The following GTF2E2 variants were observed in gnomAD, a reference collection of about 807,000 sequenced individuals.
The protein encoded by GTF2E2 is transcription initiation factor IIE subunit beta.
In GTF2E2, 21 loss-of-function variants were observed where a neutral mutation model predicts 40.5. The ratio of observed to expected loss-of-function variants is 0.52; its 90% CI spans 0.37 to 0.75. GTF2E2 has a LOEUF of 0.75. GTF2E2 is among the 30% of genes least tolerant of loss of function. The probability of loss-of-function intolerance (pLI) is 0.00; values close to 1 mark genes in which losing one functional copy is unlikely to be tolerated. For missense variants in GTF2E2, 298 were observed against 338.4 expected, an observed-to-expected ratio of 0.88 and a Z score of 0.94; for synonymous variants, 117 against 121.6, an observed-to-expected ratio of 0.96 and a Z score of 0.25.
chr8:30,587,871 TAAAAAAAAAAAA>T (rs58179732), intron 6 of GTF2E2, among the ~76,000 whole-genome samples: 1 of 105,066 alleles, frequency 9.5e-6, no homozygotes, highest in African/African-American at 3.9e-5. Flanking sequence ...GACTCCGTCT[TAAAAAAAAAAAA>T]AAAAAAAAAA....
chr8:30,619,278 T>C (rs1222289568), intron 3 of GTF2E2, among the ~76,000 whole-genome samples: 1 of 152,172 alleles, frequency 6.6e-6, no homozygotes, highest in African/African-American at 2.4e-5. Flanking sequence ...TGCTGTTTTA[T>C]AATCTTTATT....
chr8:30,579,803 C>A (rs552255468), intron 7 of GTF2E2, among the ~76,000 whole-genome samples: 3 of 152,190 alleles, frequency 2.0e-5, no homozygotes, highest in Admixed American at 2.0e-4. Flanking sequence ...ACTAACATCC[C>A]CTGTGAGCAG....
rs370255007 is a variant in GTF2E2, at chr8:30,619,965, G to A, written c.259-5250C>T. On this transcript the variant is annotated intron_variant, in intron 3 of 7. Coordinates refer to ENST00000355904, the MANE Select transcript of GTF2E2 (RefSeq NM_002095.6). ...GGGAAAGAGGGAGGCAGGAGAGTCC[G>A]AGTGAATAGCAAGAGATGTGACAAC... Among the ~76,000 whole-genome samples, 63 of 151,874 alleles carry A rather than the reference G, an allele frequency of 4.1e-4. 2 individuals are homozygous for A. Among genetic ancestry groups the A allele is most frequent in the Admixed American group, 8.5e-4 (13 of 15,258 alleles).
chr8:30,625,341 C>A (rs999336201), intron 3 of GTF2E2, among the ~76,000 whole-genome samples: 14 of 152,060 alleles, frequency 9.2e-5, no homozygotes, highest in Non-Finnish European at 1.9e-4. Context: ...TTGAACCAGC[C>A]TTGCATCCCA....
chr8:30,611,297 C>G (rs1441161736), intron 5 of GTF2E2, among the ~76,000 whole-genome samples: 1 of 152,080 alleles, frequency 6.6e-6, no homozygotes, highest in Admixed American at 6.5e-5. Flanking sequence ...TAAGACCCAA[C>G]AGAAATGTAT....
At chr8:30,635,975 C>A (rs1158627675) in intron 2 of GTF2E2, among the ~76,000 whole-genome samples, 3 of 152,164 alleles carry the variant, frequency 2.0e-5, no homozygotes, top group Non-Finnish European at 4.4e-5. Context: ...AAGCCACAGG[C>A]ACTGCCACTG....
intron 6 of GTF2E2, among the ~76,000 whole-genome samples, chr8:30,600,939 A>G (rs1829161136): frequency 6.6e-6 from 1 of 152,242 alleles, no homozygotes. Context: ...GAACGAAACG[A>G]AAATCTTCAC....
At chr8:30,607,607 T>C (rs556086309) in intron 5 of GTF2E2, among the ~76,000 whole-genome samples, 1 of 152,340 alleles carries the variant, frequency 6.6e-6, no homozygotes, top group East Asian at 1.9e-4. Flanking sequence ...AGTTTCTTTC[T>C]TGAGTAGTTC....
At chr8:30,649,892 A>G (rs1161508231) in intron 2 of GTF2E2, among the ~76,000 whole-genome samples, 2 of 152,262 alleles carry the variant, frequency 1.3e-5, no homozygotes, top group African/African-American at 4.8e-5. Flanking sequence ...AAAAAGCCAC[A>G]AAGTACCAAA....
intron 5 of GTF2E2, among the ~76,000 whole-genome samples, chr8:30,611,490 G>C (rs1829474497): frequency 6.6e-6 from 1 of 151,972 alleles, no homozygotes; most frequent in African/African-American, 2.4e-5. Context: ...ATTCAGCAAA[G>C]AAACAGAAAC....
chr8:30,645,309 A>AT (rs1204530337), intron 2 of GTF2E2: 1 of 1,533,802 alleles, frequency 6.5e-7, no homozygotes, highest in African/African-American at 1.4e-5. Context: ...AATCTCTAAG[A>AT]ATGGCTTCCA....
At chr8:30,626,039 A>T (rs76679463) in intron 3 of GTF2E2, among the ~76,000 whole-genome samples, 1 of 152,160 alleles carries the variant, frequency 6.6e-6, no homozygotes, top group African/African-American at 2.4e-5. Context: ...CTTCCTTCAC[A>T]CAGTGCCACT....
At position 30,612,315 on chromosome 8, in the gene GTF2E2, G is replaced by A. The variant is rs1563487218; in HGVS notation, c.533C>T (p.Ser178Phe). ...AGAGATTACCTTGACAGCTTTCTGG[G>A]AATTGGGCAGTGCTTCTTCTATGTC... Reference protein sequence around the residue: ...LEDIEEALPNSQKAVKALGDQ... With the variant: ...LEDIEEALPNFQKAVKALGDQ... Residue 178 changes from serine to phenylalanine, a missense_variant, in exon 5 of 8, where the codon TCC becomes TTC. Physicochemically the swap from Ser to Phe is radical, Grantham distance 155 (BLOSUM62 -2). Coordinates refer to ENST00000355904, the MANE Select transcript of GTF2E2 (RefSeq NM_002095.6). 4.4e-6 allele frequency: 7 copies of A among 1,606,272 alleles called. No individual in the cohort carries two copies. Among genetic ancestry groups the A allele is most frequent in the Non-Finnish European group, 6.0e-6 (7 of 1,173,544 alleles).
At chr8:30,579,527 G>A (rs1439597054) in intron 7 of GTF2E2, among the ~76,000 whole-genome samples, 1 of 152,112 alleles carries the variant, frequency 6.6e-6, no homozygotes, top group Non-Finnish European at 1.5e-5. Flanking sequence ...AATCATGAAG[G>A]GCTGCAATTA....
chr8:30,614,764 T>G (rs764649205), intron 3 of GTF2E2, 49 bp from the exon 4 acceptor site: 1 of 979,722 alleles, frequency 1.0e-6, no homozygotes, highest in Non-Finnish European at 1.6e-6. Flanking sequence ...AAATGCTAGA[T>G]GCATTAAATC....
At chr8:30,621,663 T>C (rs541574189) in intron 3 of GTF2E2, among the ~76,000 whole-genome samples, 1 of 152,218 alleles carries the variant, frequency 6.6e-6, no homozygotes, top group Non-Finnish European at 1.5e-5. Flanking sequence ...TGCAAATTTG[T>C]AGAAATTGAT....
At chr8:30,651,013 C>CAAA (rs147244822) in intron 2 of GTF2E2, among the ~76,000 whole-genome samples, 3 of 137,274 alleles carry the variant, frequency 2.2e-5, no homozygotes, top group East Asian at 2.1e-4. Context: ...GACTCCGTCT[C>CAAA]AAAAAAAAAA....
At chr8:30,634,827 T>C (rs1357053901) in intron 3 of GTF2E2, among the ~76,000 whole-genome samples, 1 of 152,218 alleles carries the variant, frequency 6.6e-6, no homozygotes, top group Non-Finnish European at 1.5e-5. Context: ...GCAGATTAAA[T>C]ATGCTTTGGT....
At chr8:30,589,726 TCTGTGCAGCAGAGG>T (rs1287129563) in intron 6 of GTF2E2, among the ~76,000 whole-genome samples, 1 of 152,144 alleles carries the variant, frequency 6.6e-6, no homozygotes, top group Non-Finnish European at 1.5e-5. Context: ...TCTGCCCAAA[TCTGTGCAGCAGAGG>T]CTGGACAGAA....
Sources: gnomAD v4.1 joint callset for allele counts (sites outside exome capture counted in the v4.1 genomes callset) on GRCh38, gnomAD v4.1.1 for gene constraint, MANE v1.5 for transcripts, NCBI Gene and HGNC (gene_info 2026-07-23, HGNC 2026-07-21) for gene names.